Variants in TMEM71 observed in about 807,000 individuals in gnomAD.
The protein encoded by TMEM71 is transmembrane protein 71.
Under a neutral mutation model 38.0 loss-of-function variants are expected in TMEM71, and 44 were observed. The observed-to-expected ratio is 1.16, with a 90% CI of 0.91 to 1.49. The LOEUF is 1.49. TMEM71 is among the 40% of genes most tolerant of loss of function. TMEM71 has a pLI of 0.00. For missense variants in TMEM71, 367 were observed against 348.6 expected (o/e 1.05, Z -0.42); for synonymous variants, 133 against 122.5 (o/e 1.09, Z -0.56).
intron 4 of TMEM71, among the ~76,000 whole-genome samples, chr8:132,751,254 T>C (rs1368172396): frequency 7.9e-5 from 12 of 152,208 alleles, no homozygotes; most frequent in Admixed American, 5.9e-4. Context: ...CCAAACTATT[T>C]GCTATTCCCT....
chr8:132,721,774 G>A (rs999292178), intron 7 of TMEM71, among the ~76,000 whole-genome samples: 1 of 151,876 alleles, frequency 6.6e-6, no homozygotes, highest in African/African-American at 2.4e-5. Context: ...GACCTCAGGT[G>A]ATCCTTCCAC....
At chr8:132,745,096 C>T (rs1015765036) in intron 5 of TMEM71, among the ~76,000 whole-genome samples, 2 of 152,296 alleles carry the variant, frequency 1.3e-5, no homozygotes, top group Admixed American at 1.3e-4. Flanking sequence ...TAGGCAACAC[C>T]ATTCTGGACA....
chr8:132,769,906 A>G, the TMEM71 span, among the ~76,000 whole-genome samples: 1 of 152,266 alleles, frequency 6.6e-6, no homozygotes, highest in African/African-American at 2.4e-5. Context: ...GCATGCATGC[A>G]TGTATGTTGT....
At chr8:132,734,153 TAC>T (rs35673804) in intron 5 of TMEM71, among the ~76,000 whole-genome samples, 3,841 of 148,432 alleles carry the variant, frequency 0.026, 169 homozygotes, top group African/African-American at 0.088. Context: ...GTTATGTTCT[TAC>T]ACACACACAC....
At chr8:132,764,217 A>G (rs1406104494), upstream of TMEM71, among the ~76,000 whole-genome samples, 1 of 152,142 alleles carries the variant, frequency 6.6e-6, no homozygotes, top group Non-Finnish European at 1.5e-5. Context: ...ACATCAAATC[A>G]GTATGCATAA....
At chr8:132,716,913 G>A (rs987480391) in intron 7 of TMEM71, among the ~76,000 whole-genome samples, 4 of 152,120 alleles carry the variant, frequency 2.6e-5, no homozygotes, top group Non-Finnish European at 4.4e-5. Flanking sequence ...CATTTGGGTT[G>A]TTTCTATTTT....
upstream of TMEM71, among the ~76,000 whole-genome samples, chr8:132,763,502 A>G (rs1296063509): frequency 6.6e-6 from 1 of 152,170 alleles, no homozygotes; most frequent in Non-Finnish European, 1.5e-5. Flanking sequence ...TCCACTGTTA[A>G]TGGAGGTGAT....
chr8:132,740,268 G>A (rs760977407), intron 5 of TMEM71, among the ~76,000 whole-genome samples: 2 of 152,090 alleles, frequency 1.3e-5, no homozygotes, highest in Non-Finnish European at 2.9e-5. Context: ...TGCCTGGATT[G>A]TTCCTCCCCC....
At chr8:132,715,232 C>T (rs1381557066) in intron 7 of TMEM71, among the ~76,000 whole-genome samples, 1 of 150,342 alleles carries the variant, frequency 6.7e-6, no homozygotes, top group Non-Finnish European at 1.5e-5. Context: ...CGGTGAAACC[C>T]TGTCTCCACT....
chr8:132,746,416 C>T (rs1233673844), intron 5 of TMEM71, among the ~76,000 whole-genome samples: 2 of 17,460 alleles, frequency 1.1e-4, no homozygotes, highest in Non-Finnish European at 1.8e-4. Flanking sequence ...TATATACACA[C>T]ACATATATAT....
rs1179084367 is a variant in TMEM71, at chr8:132,722,067, A to G, written c.725T>C (p.Val242Ala). ...TGCACATGCAGAAATGATTAAGCAC[A>G]CAGCAAGCAGGATTGCCTGAAAGAA... ...EVFFQAILLAVCLIISACARW... is the reference protein window; with the variant it reads ...EVFFQAILLAACLIISACARW... Residue 242 changes from valine to alanine, a missense_variant, in exon 7 of 10, where the codon GTG becomes GCG. Val to Ala is a moderately conservative substitution (Grantham distance 64). Coordinates refer to ENST00000677595, the MANE Select transcript of TMEM71 (RefSeq NM_001382403.1). 1.2e-6 allele frequency: 2 copies of G among 1,614,026 alleles called. No homozygotes were observed. Among genetic ancestry groups the G allele is most frequent in the Non-Finnish European group, 1.7e-6 (2 of 1,180,014 alleles).
chr8:132,762,795 TC>T (rs1002065582), upstream of TMEM71, among the ~76,000 whole-genome samples: 29 of 152,282 alleles, frequency 1.9e-4, no homozygotes, highest in Admixed American at 1.6e-3. Context: ...AATGATCATA[TC>T]CAACGTGTGT....
intron 5 of TMEM71, among the ~76,000 whole-genome samples, chr8:132,732,074 T>A (rs942510216): frequency 1.8e-4 from 27 of 152,134 alleles, no homozygotes; most frequent in African/African-American, 6.5e-4. Context: ...CAAATGCTGC[T>A]CTGGAAGAAG....
the TMEM71 span, among the ~76,000 whole-genome samples, chr8:132,772,980 T>C: frequency 6.6e-6 from 1 of 152,210 alleles, no homozygotes; most frequent in South Asian, 2.1e-4. Flanking sequence ...TTCCTTACAT[T>C]ACACAGTTGC....
At chr8:132,767,096 G>C in the TMEM71 span, among the ~76,000 whole-genome samples, 1 of 152,188 alleles carries the variant, frequency 6.6e-6, no homozygotes, top group Non-Finnish European at 1.5e-5. Context: ...CCTGTGAATA[G>C]GGAATGTTCC....
chr8:132,716,732 T>C (rs1335288251), intron 7 of TMEM71, among the ~76,000 whole-genome samples: 3 of 152,194 alleles, frequency 2.0e-5, no homozygotes, highest in Non-Finnish European at 4.4e-5. Flanking sequence ...GCTTGTACTT[T>C]ATAGTTATGA....
At chr8:132,742,017 G>C (rs1259656546) in intron 5 of TMEM71, among the ~76,000 whole-genome samples, 1 of 152,226 alleles carries the variant, frequency 6.6e-6, no homozygotes, top group Non-Finnish European at 1.5e-5. Context: ...CCTTCTGGTG[G>C]CCCTGTCTGG....
At chr8:132,722,857 A>G (rs975753490) in intron 6 of TMEM71, among the ~76,000 whole-genome samples, 1 of 152,250 alleles carries the variant, frequency 6.6e-6, no homozygotes, top group Non-Finnish European at 1.5e-5. Context: ...AATTATAAGC[A>G]TAAGAGTTAA....
At chr8:132,735,316 C>T (rs538153174) in intron 5 of TMEM71, among the ~76,000 whole-genome samples, 8 of 152,298 alleles carry the variant, frequency 5.3e-5, no homozygotes, top group African/African-American at 1.9e-4. Flanking sequence ...AAAAATGAAG[C>T]ACAAGAAAAT....
Sources: gnomAD v4.1 joint callset for allele counts (sites outside exome capture counted in the v4.1 genomes callset) on GRCh38, gnomAD v4.1.1 for gene constraint, MANE v1.5 for transcripts, NCBI Gene and HGNC (gene_info 2026-07-23, HGNC 2026-07-21) for gene names.